AGBL1: variants seen among roughly 807,000 people sequenced by gnomAD.
AGBL1 encodes AGBL carboxypeptidase 1, also known as cytosolic carboxypeptidase 4.
Under a neutral mutation model 118.9 loss-of-function variants are expected in AGBL1, and 130 were observed. The observed-to-expected ratio is 1.09, with a 90% CI of 0.95 to 1.26. The LOEUF is 1.26. AGBL1 is among the 50% of genes most tolerant of loss of function. The pLI, the probability that AGBL1 is intolerant of heterozygous loss-of-function variation, is 0.00. For missense variants in AGBL1, 1,584 were observed against 1,298.1 expected (o/e 1.22, Z -3.38); for synonymous variants, 555 against 478.9 (o/e 1.16, Z -2.08).
At chr15:86,735,604 G>C (rs1236467578) in intron 22 of AGBL1, among the ~76,000 whole-genome samples, 1 of 65,962 alleles carries the variant, frequency 1.5e-5, no homozygotes, top group Non-Finnish European at 3.0e-5. Flanking sequence ...GATACAGACT[G>C]TGTGTGTGTG....
At chr15:86,701,396 C>T (rs1463975619) in intron 22 of AGBL1, among the ~76,000 whole-genome samples, 2 of 151,932 alleles carry the variant, frequency 1.3e-5, no homozygotes, top group Non-Finnish European at 2.9e-5. Flanking sequence ...TCTGGAAATC[C>T]TTCATAAATA....
intron 17 of AGBL1, among the ~76,000 whole-genome samples, chr15:86,320,455 G>T (rs1301427365): frequency 6.6e-6 from 1 of 151,584 alleles, no homozygotes; most frequent in African/African-American, 2.4e-5. Context: ...TTCTATATTT[G>T]TTTTGTATTT....
intron 22 of AGBL1, among the ~76,000 whole-genome samples, chr15:86,739,470 A>AAAAAAAG (rs1567149490): frequency 6.8e-6 from 1 of 146,456 alleles, no homozygotes; most frequent in African/African-American, 2.7e-5. Context: ...AAAAAAGTAA[A>AAAAAAAG]AGAGAAAAAA....
intron 5 of AGBL1, among the ~76,000 whole-genome samples, chr15:86,204,277 T>C (rs1043005802): frequency 3.2e-4 from 49 of 152,194 alleles, no homozygotes; most frequent in African/African-American, 1.0e-3. Context: ...CCCCCTGTCC[T>C]TCCTCACACC....
At chr15:86,116,334 G>T (rs1268725678) in intron 1 of AGBL1, among the ~76,000 whole-genome samples, 1 of 152,216 alleles carries the variant, frequency 6.6e-6, no homozygotes, top group African/African-American at 2.4e-5. Flanking sequence ...TGCTAAAGCT[G>T]AAGGATTATG....
chr15:86,389,408 G>C (rs1471621913), intron 17 of AGBL1, among the ~76,000 whole-genome samples: 1 of 152,110 alleles, frequency 6.6e-6, no homozygotes, highest in Non-Finnish European at 1.5e-5. Flanking sequence ...AGGGTGATAC[G>C]ATTTTATGCC....
In AGBL1 at chr15:86,360,735, A is replaced by G. The variant is rs1288874758; in HGVS notation, c.2375-36631A>G. On this transcript the variant is annotated intron_variant, in intron 17 of 22. Transcript: ENST00000614907. ...CTCCTTATTTGTTATTGGTATGTTC[A>G]GGATTTCTGTTTCTTATTAATTTAG... Among the ~76,000 whole-genome samples, 5 of 151,888 alleles carry G rather than the reference A, an allele frequency of 3.3e-5. No homozygotes were observed. The South Asian group carries it at 8.3e-4, about 25-fold the overall frequency.
chr15:86,202,206 T>TCCC (rs2077918774), intron 5 of AGBL1, among the ~76,000 whole-genome samples: 1 of 151,992 alleles, frequency 6.6e-6, no homozygotes, highest in Non-Finnish European at 1.5e-5. Flanking sequence ...GGCAGGAGAA[T>TCCC]CCCTTGAACC....
At chr15:86,624,722 A>G (rs116865185) in intron 21 of AGBL1, among the ~76,000 whole-genome samples, 1,618 of 152,278 alleles carry the variant, frequency 0.011, 16 homozygotes, top group Non-Finnish European at 0.014. Flanking sequence ...ATTAAGGGAC[A>G]CTGTGCTGTG....
intron 18 of AGBL1, among the ~76,000 whole-genome samples, chr15:86,444,993 G>T (rs1338128593): frequency 6.6e-6 from 1 of 152,164 alleles, no homozygotes; most frequent in Admixed American, 6.6e-5. Context: ...ATCTGGTGGG[G>T]TGGGTGCTTA....
At position 86,487,249 on chromosome 15, in the gene AGBL1, G is replaced by A. The variant is rs570395123; in HGVS notation, c.2556-35561G>A. ...GTTCATCCAGAAACAAGCTCAGTCC[G>A]CATGAAAACTTCTCTCTTCCTATTG... On this transcript the variant is annotated intron_variant, in intron 18 of 22. Coordinates refer to ENST00000614907, the MANE Select transcript of AGBL1 (RefSeq NM_001386094.1). Among the ~76,000 whole-genome samples the A allele has an allele frequency of 1.9e-3, 284 of 152,072 alleles. 8 individuals are homozygous for A. The South Asian group carries it at 0.053, about 29-fold the overall frequency.
At chr15:86,750,457 G>A (rs2077832869) in intron 22 of AGBL1, among the ~76,000 whole-genome samples, 1 of 150,364 alleles carries the variant, frequency 6.7e-6, no homozygotes, top group Non-Finnish European at 1.5e-5. Context: ...TAATAGCTGT[G>A]TAATCTTTTG....
intron 22 of AGBL1, among the ~76,000 whole-genome samples, chr15:86,854,502 A>G (rs1446163032): frequency 6.6e-6 from 1 of 152,194 alleles, no homozygotes; most frequent in Non-Finnish European, 1.5e-5. Flanking sequence ...GTCAAGCCAA[A>G]GGATTATGAT....
intron 22 of AGBL1, among the ~76,000 whole-genome samples, chr15:86,828,611 A>C (rs1467505820): frequency 1.3e-5 from 2 of 152,146 alleles, no homozygotes; most frequent in Non-Finnish European, 2.9e-5. Flanking sequence ...TAGAAAAGGC[A>C]AAGAAACGAG....
At chr15:86,554,915 T>C (rs2083711918) in intron 21 of AGBL1, among the ~76,000 whole-genome samples, 1 of 152,172 alleles carries the variant, frequency 6.6e-6, no homozygotes, top group Non-Finnish European at 1.5e-5. Flanking sequence ...ATAAAGGGCA[T>C]AGGTCAGTGT....
intron 21 of AGBL1, among the ~76,000 whole-genome samples, chr15:86,642,465 A>C (rs1215565836): frequency 6.6e-6 from 1 of 152,140 alleles, no homozygotes; most frequent in Non-Finnish European, 1.5e-5. Context: ...GCGTTTCACT[A>C]TAGCAAGATA....
chr15:86,570,178 C>A (rs75388701), intron 21 of AGBL1, among the ~76,000 whole-genome samples: 1 of 152,080 alleles, frequency 6.6e-6, no homozygotes, highest in Non-Finnish European at 1.5e-5. Context: ...ATTCTCTCTG[C>A]ATAAAATGGG....
intron 5 of AGBL1, among the ~76,000 whole-genome samples, chr15:86,162,358 C>T (rs941414315): frequency 1.3e-5 from 2 of 152,120 alleles, no homozygotes; most frequent in African/African-American, 4.8e-5. Flanking sequence ...ATTAGACCTG[C>T]CCTACTTCTC....
At chr15:86,200,056 A>G (rs760680542) in intron 5 of AGBL1, among the ~76,000 whole-genome samples, 6 of 152,188 alleles carry the variant, frequency 3.9e-5, no homozygotes, top group African/African-American at 7.2e-5. Context: ...TGAAAATCCA[A>G]TTTCCATGCA....
Sources: gnomAD v4.1 joint callset for allele counts (sites outside exome capture counted in the v4.1 genomes callset) on GRCh38, gnomAD v4.1.1 for gene constraint, MANE v1.5 for transcripts, NCBI Gene and HGNC (gene_info 2026-07-23, HGNC 2026-07-21) for gene names.